The following ATP8B1 variants were observed in gnomAD, a reference collection of about 807,000 sequenced individuals.
ATP8B1 encodes the protein ATPase phospholipid transporting 8B1.
ATP8B1 carries 80 observed loss-of-function variants against 149.9 expected under a neutral mutation model. The ratio of observed to expected loss-of-function variants is 0.53; its 90% CI spans 0.45 to 0.64. The LOEUF is 0.64. Ranked by LOEUF, ATP8B1 falls within the 30% of genes least tolerant of loss-of-function variation. The pLI is 0.00. For synonymous variants in ATP8B1, 536 were observed against 562.8 expected, an observed-to-expected ratio of 0.95 and a Z score of 0.67; for missense variants, 1,247 against 1,552.6, an observed-to-expected ratio of 0.80 and a Z score of 3.31.
chr18:57,797,703 C>CT (rs59261353), intron 1 of ATP8B1, among the ~76,000 whole-genome samples: 2,363 of 96,294 alleles, frequency 0.025, 109 homozygotes, highest in African/African-American at 0.063. Context: ...TTCTTTCTTT[C>CT]TTTTTTTTTT....
At chr18:57,660,643 C>G (rs188485071) in intron 22 of ATP8B1, among the ~76,000 whole-genome samples, 1 of 152,084 alleles carries the variant, frequency 6.6e-6, no homozygotes, top group African/African-American at 2.4e-5. Flanking sequence ...CTCAGCCTCC[C>G]GAGTAGCTGG....
At chr18:57,712,521 G>A (rs373545454) in intron 2 of ATP8B1, among the ~76,000 whole-genome samples, 53 of 152,186 alleles carry the variant, frequency 3.5e-4, no homozygotes, top group African/African-American at 1.2e-3. Flanking sequence ...GGCAAACCTC[G>A]TCACCGAGGG....
chr18:57,666,999 C>T, intron 20 of ATP8B1, 93 bp downstream of exon 20: 1 of 1,152,416 alleles, frequency 8.7e-7, no homozygotes, highest in Non-Finnish European at 1.3e-6. Flanking sequence ...ACATCGTAAC[C>T]CCTATTTCTT....
rs11342488 is a variant in ATP8B1 at position 57,687,773 on chromosome 18, A to ATTTT, written c.1429+522_1429+525dup. On this transcript the variant is annotated intron_variant, in intron 13 of 27. Coordinates refer to ENST00000648908, the MANE Select transcript of ATP8B1 (RefSeq NM_001374385.1). ...AGATCATATAGTAATGAGACTTCTA[A>ATTTT]TTTTTTTTTTTTTTTTTTTTTTTTT... 4.1e-4 allele frequency among the ~76,000 whole-genome samples: 39 copies of ATTTT among 95,258 alleles called. 3 individuals are homozygous for ATTTT. Among genetic ancestry groups the ATTTT allele is most frequent in the African/African-American group, 1.0e-3 (27 of 26,010 alleles). The allele number at this position is 95,258 out of a possible 152,430, so 62.5% of individuals were successfully genotyped here. A position where few individuals can be genotyped will look rare whatever the true frequency, so the allele number is the denominator to read the frequency against.
chr18:57,794,435 T>C (rs1380251904), intron 1 of ATP8B1, among the ~76,000 whole-genome samples: 3 of 144,994 alleles, frequency 2.1e-5, no homozygotes, highest in African/African-American at 5.2e-5. Flanking sequence ...CCATGGATTC[T>C]ACCCTAAGGG....
chr18:57,651,350 C>T (rs1438251294), intron 26 of ATP8B1, among the ~76,000 whole-genome samples: 1 of 152,142 alleles, frequency 6.6e-6, no homozygotes, highest in Non-Finnish European at 1.5e-5. Context: ...AAGTGATCCA[C>T]CCATATTGGC....
intron 2 of ATP8B1, among the ~76,000 whole-genome samples, chr18:57,730,903 ACTAATAGTTAACAT>A (rs2123129587): frequency 6.6e-6 from 1 of 152,166 alleles, no homozygotes; most frequent in Admixed American, 6.5e-5. Flanking sequence ...ATTTAACAAT[ACTAATAGTTAACAT>A]CTAAGACTGA....
chr18:57,685,315 C>T (rs1912181098), intron 13 of ATP8B1, among the ~76,000 whole-genome samples, 200 bp from the exon 14 acceptor site: 1 of 152,096 alleles, frequency 6.6e-6, no homozygotes, highest in Non-Finnish European at 1.5e-5. Context: ...TGTCCCTCTC[C>T]ACTACCTTCT....
At chr18:57,775,558 G>A (rs2080299386) in intron 1 of ATP8B1, among the ~76,000 whole-genome samples, 1 of 151,508 alleles carries the variant, frequency 6.6e-6, no homozygotes, top group African/African-American at 2.4e-5. Context: ...CAGATGAGTA[G>A]CCTAAAATAA....
intron 1 of ATP8B1, among the ~76,000 whole-genome samples, chr18:57,746,451 T>C (rs1358935725): frequency 6.6e-6 from 1 of 150,736 alleles, no homozygotes; most frequent in Admixed American, 6.6e-5. Context: ...ATTAGGATTA[T>C]GCCCACTGAT....
chr18:57,675,061 A>C (rs1911512633), intron 15 of ATP8B1, 39 bp from the exon 16 acceptor site: 1 of 1,605,224 alleles, frequency 6.2e-7, no homozygotes, highest in South Asian at 1.1e-5. Flanking sequence ...AAAGCTGTAA[A>C]AACAAATGCA....
chr18:57,674,407 C>T (rs1272992112), intron 16 of ATP8B1, among the ~76,000 whole-genome samples: 2 of 81,780 alleles, frequency 2.4e-5, no homozygotes, highest in East Asian at 5.1e-4. Context: ...TTTTTTGAGA[C>T]GGAGTCTTGC....
At chr18:57,775,782 T>C (rs1488641883) in intron 1 of ATP8B1, among the ~76,000 whole-genome samples, 1 of 151,928 alleles carries the variant, frequency 6.6e-6, no homozygotes, top group African/African-American at 2.4e-5. Flanking sequence ...GTAGCTGAGA[T>C]TACAGACATG....
intron 3 of ATP8B1, among the ~76,000 whole-genome samples, chr18:57,705,891 C>T (rs1447150067): frequency 6.6e-6 from 1 of 152,152 alleles, no homozygotes; most frequent in Non-Finnish European, 1.5e-5. Flanking sequence ...GACAGAGTCT[C>T]ACTCCTGTCA....
rs1157367736 is a variant in ATP8B1, at chr18:57,706,876, A to T, written c.182-289T>A. 2.0e-5 allele frequency among the ~76,000 whole-genome samples: 3 copies of T among 152,238 alleles called. No individual in the cohort carries two copies. In the East Asian group the frequency reaches 5.8e-4, roughly 29 times the overall value. On this transcript the variant is annotated intron_variant, in intron 2 of 27. Transcript: ENST00000648908. ...GAAAATGGCCATCTGCAAGCCAAGG[A>T]GAGAAGCCTAGAACAGATCTCTCCC...
At position 57,713,216 on chromosome 18, in the gene ATP8B1, C is replaced by T. The variant is rs1388910045; in HGVS notation, c.182-6629G>A. 7.9e-3 allele frequency among the ~76,000 whole-genome samples: 779 copies of T among 98,222 alleles called. 6 individuals are homozygous for T. Among genetic ancestry groups the T allele is most frequent in the African/African-American group, 0.027 (663 of 24,900 alleles). 64.4% of individuals were successfully genotyped at this position (98,222 alleles called of 152,430 possible). A position where few individuals can be genotyped will look rare whatever the true frequency, so the allele number is the denominator to read the frequency against. On this transcript the variant is annotated intron_variant, in intron 2 of 27. Coordinates refer to ENST00000648908, the MANE Select transcript of ATP8B1 (RefSeq NM_001374385.1). ...CTTTCTTTCCTTCCTTCCTTCCTTC[C>T]TTCCTTCCTTCCTTCCTTCCTTCCT...
intron 16 of ATP8B1, among the ~76,000 whole-genome samples, chr18:57,672,912 A>ATG (rs1164899560): frequency 2.6e-5 from 2 of 75,546 alleles, no homozygotes; most frequent in African/African-American, 8.9e-5. Flanking sequence ...ATATATATAT[A>ATG]TATATATATA....
intron 21 of ATP8B1, 82 bp downstream of exon 21, chr18:57,662,401 A>G: frequency 6.4e-7 from 1 of 1,558,540 alleles, no homozygotes. Flanking sequence ...GTTGGCAGTT[A>G]ACATGTGAAA....
Position 57,694,634 on chromosome 18 carries a change from G to A in ATP8B1, c.977C>T (p.Thr326Ile), listed in dbSNP as rs1423636487. 1 of 1,595,690 alleles carries A rather than the reference G, an allele frequency of 6.3e-7. No individual in the cohort carries two copies. The highest frequency in any genetic ancestry group is 1.7e-5 in the Admixed American group (1 of 59,940). ...ATCAATTTTAGTTCTTTTAAATCTG[G>A]TTTTCCCACTATTCTTCATTATTTT... is the stretch of plus-strand genomic sequence containing the variant. ...DTKIMKNSGK[T>I]RFKRTKIDYL... The change falls in exon 11 of 28, where the codon ACC becomes ATC. Residue 326 changes from threonine to isoleucine, a missense_variant. By Grantham distance (89) the Thr-to-Ile change is moderately conservative. This residue lies in a region of ATP8B1 where 853 missense variants were observed against 1,035.7 expected (regional missense o/e 0.82). Transcript: ENST00000648908.
Sources: gnomAD v4.1 joint callset for allele counts (sites outside exome capture counted in the v4.1 genomes callset) on GRCh38, gnomAD v4.1.1 for gene constraint, gnomAD v4.1.1 regional missense constraint, MANE v1.5 for transcripts, NCBI Gene and HGNC (gene_info 2026-07-23, HGNC 2026-07-21) for gene names.